Variants in PHKB observed in about 807,000 individuals in gnomAD.
PHKB encodes the protein phosphorylase b kinase regulatory subunit beta.
Under a neutral mutation model 152.1 loss-of-function variants are expected in PHKB, and 122 were observed. The ratio of observed to expected loss-of-function variants is 0.80; its 90% CI spans 0.69 to 0.93. The LOEUF (loss-of-function observed/expected upper bound fraction) is 0.93. PHKB is among the 40% of genes least tolerant of loss of function. PHKB has a pLI of 0.00. For synonymous variants in PHKB, 436 were observed against 464.9 expected (o/e 0.94, Z 0.80); for missense variants, 1,304 against 1,328.4 (o/e 0.98, Z 0.29).
intron 8 of PHKB, among the ~76,000 whole-genome samples, chr16:47,585,812 C>T (rs1015813515): frequency 6.6e-6 from 1 of 152,132 alleles, no homozygotes; most frequent in Non-Finnish European, 1.5e-5. Context: ...TGGCTGTTTA[C>T]ATTAATCAAG....
chr16:47,588,981 C>A lies in PHKB; in HGVS notation c.947C>A (p.Thr316Lys), dbSNP rs1430757166. The A allele has an allele frequency of 6.2e-7, 1 of 1,613,800 alleles. No individual in the cohort carries two copies. ...ALDDEVLFSQ[T>K]LDKVVRKLKG... is the part of the protein sequence containing the mutation. ...GATGATGAAGTTCTTTTTAGCCAGA[C>A]ACTTGATAAAGTGGTTAGAAAATTA... Residue 316 changes from threonine (T) to lysine (K), a missense_variant, in exon 10 of 31, where the codon ACA becomes AAA. Physicochemically the swap from Thr to Lys is moderately conservative, Grantham distance 78. Transcript: ENST00000323584.
At chr16:47,632,083 C>G (rs1181017098) in intron 14 of PHKB, among the ~76,000 whole-genome samples, 1 of 152,162 alleles carries the variant, frequency 6.6e-6, no homozygotes, top group Non-Finnish European at 1.5e-5. Flanking sequence ...GTGTCACCCT[C>G]CTAGAAAAGA....
Position 47,546,697 on chromosome 16 carries a change from A to T in PHKB, c.595-736A>T, listed in dbSNP as rs116836671. On this transcript the variant is annotated intron_variant, in intron 6 of 30. Transcript: ENST00000323584. Reference sequence around the variant, plus strand: ...AGTTTCAGCTGCCTTTTTTTCACCTATGCCATGCCCCCACAAGTGGAGTCT... The same window carrying T: ...AGTTTCAGCTGCCTTTTTTTCACCTTTGCCATGCCCCCACAAGTGGAGTCT... Among the ~76,000 whole-genome samples the T allele has an allele frequency of 3.1e-3, 467 of 152,132 alleles. 2 individuals are homozygous for T. The highest frequency in any genetic ancestry group is 0.011 in the African/African-American group (445 of 41,516).
intron 6 of PHKB, among the ~76,000 whole-genome samples, chr16:47,531,354 T>C (rs1389862678): frequency 1.3e-5 from 2 of 152,214 alleles, no homozygotes; most frequent in Admixed American, 6.5e-5. Flanking sequence ...TTCAAACTTT[T>C]TGATCTCAAG....
chr16:47,461,439 G>A lies in PHKB; in HGVS notation c.76+13G>A. The A allele has an allele frequency of 6.2e-7, 1 of 1,612,536 alleles. No individual in the cohort carries two copies. Among genetic ancestry groups the A allele is most frequent in the Non-Finnish European group, 8.5e-7 (1 of 1,179,488 alleles). On this transcript the variant is annotated intron_variant, in intron 1 of 30. Coordinates refer to ENST00000323584, the MANE Select transcript of PHKB (RefSeq NM_000293.3). ...ACCAAGCGCTCAGGTTTGGCTGGCTGGGGCGCCGCCCCCCACCCGAGTACC... is the reference window on the plus strand; with the variant it reads ...ACCAAGCGCTCAGGTTTGGCTGGCTAGGGCGCCGCCCCCCACCCGAGTACC...
chr16:47,610,996 C>A, intron 14 of PHKB, 76 bp downstream of exon 14: 1 of 889,754 alleles, frequency 1.1e-6, no homozygotes, highest in Non-Finnish European at 1.9e-6. Context: ...AATTTTTGTT[C>A]TGAATAGGTT....
intron 14 of PHKB, among the ~76,000 whole-genome samples, chr16:47,626,315 T>TGGTGCTAA (rs1346077830): frequency 1.3e-5 from 2 of 152,180 alleles, no homozygotes; most frequent in African/African-American, 4.8e-5. Flanking sequence ...GGTGCCTCTG[T>TGGTGCTAA]AGTTGTTGGG....
Position 47,700,682 on chromosome 16 carries a change from C to A in PHKB, c.*1316C>A, listed in dbSNP as rs923871454. On this transcript the variant is annotated 3_prime_UTR_variant, in exon 31 of 31. Transcript: ENST00000323584. ...TTCCTAAATAGAAAAAAAAAAGGCC[C>A]ATGAGTTTGAGCCCTTGCCCCAAAG... The A allele has an allele frequency of 1.3e-5, 2 of 151,682 alleles. No individual in the cohort carries two copies. The highest frequency in any genetic ancestry group is 4.8e-5 in the African/African-American group (2 of 41,276). The allele number at this position is 151,682 out of a possible 1,614,324, so 9.4% of individuals were successfully genotyped here.
Position 47,507,242 on chromosome 16 carries a change from A to T in PHKB, c.405+4152A>T, listed in dbSNP as rs1360241507. Among the ~76,000 whole-genome samples the T allele has an allele frequency of 6.3e-5, 9 of 143,960 alleles. No homozygotes were observed. The East Asian group carries it at 1.3e-3, about 21-fold the overall frequency. 94.4% of individuals were successfully genotyped at this position (143,960 alleles called of 152,430 possible). A position where few individuals can be genotyped will look rare whatever the true frequency, so the allele number is the denominator to read the frequency against. ...CTTCCACCTAAGCCTCCCAAAGTGC[A>T]AGGGTTACAGGCGTGAGCCACCATG... is the stretch of plus-strand genomic sequence containing the variant. On this transcript the variant is annotated intron_variant, in intron 4 of 30. Coordinates refer to ENST00000323584, the MANE Select transcript of PHKB (RefSeq NM_000293.3).
intron 14 of PHKB, among the ~76,000 whole-genome samples, chr16:47,633,339 C>G (rs1972859555): frequency 1.3e-5 from 2 of 152,088 alleles, no homozygotes; most frequent in South Asian, 4.1e-4. Context: ...CTCCTCCAAA[C>G]CGTCAAATGA....
chr16:47,483,489 A>G (rs1270502952), intron 1 of PHKB, among the ~76,000 whole-genome samples: 1 of 152,240 alleles, frequency 6.6e-6, no homozygotes, highest in African/African-American at 2.4e-5. Flanking sequence ...TAAGTATGAA[A>G]TAATGACCCT....
At chr16:47,650,512 G>A (rs759053464) in intron 18 of PHKB, 32 bp from the exon 19 acceptor site, 1 of 1,239,176 alleles carries the variant, frequency 8.1e-7, no homozygotes, top group East Asian at 2.3e-5. Context: ...TAGATACTGT[G>A]CCATTACATC....
intron 27 of PHKB, among the ~76,000 whole-genome samples, chr16:47,693,068 G>A (rs1269192234): frequency 3.3e-5 from 5 of 152,112 alleles, no homozygotes; most frequent in Non-Finnish European, 4.4e-5. Flanking sequence ...CAGCTGCTGC[G>A]TTTTTAAAGG....
At chr16:47,521,909 C>T (rs1016126139) in intron 6 of PHKB, among the ~76,000 whole-genome samples, 1 of 152,032 alleles carries the variant, frequency 6.6e-6, no homozygotes, top group African/African-American at 2.4e-5. Context: ...TGGGATAAAT[C>T]TTACTTGGTC....
intron 1 of PHKB, among the ~76,000 whole-genome samples, chr16:47,470,117 A>G (rs974674054): frequency 2.0e-5 from 3 of 152,232 alleles, no homozygotes; most frequent in African/African-American, 7.2e-5. Flanking sequence ...CGCTAGAGGA[A>G]TTAAAGACAC....
At chr16:47,609,421 G>A (rs1892622824) in intron 13 of PHKB, among the ~76,000 whole-genome samples, 1 of 128,146 alleles carries the variant, frequency 7.8e-6, no homozygotes, top group South Asian at 2.5e-4. Flanking sequence ...GTTGGGAGGT[G>A]TTCCCTCTTT....
chr16:47,544,660 G>A (rs1406668696), intron 6 of PHKB, among the ~76,000 whole-genome samples: 2 of 152,136 alleles, frequency 1.3e-5, no homozygotes, highest in African/African-American at 4.8e-5. Flanking sequence ...CTTCTGTCTT[G>A]TTGATCTGTC....
intron 29 of PHKB, 70 bp from the exon 30 acceptor site, chr16:47,698,378 C>A: frequency 8.8e-7 from 1 of 1,137,190 alleles, no homozygotes; most frequent in Non-Finnish European, 1.3e-6. Context: ...ACCCATCCAT[C>A]TGATCAAAGG....
chr16:47,550,047 T>A (rs1172129171), intron 7 of PHKB, among the ~76,000 whole-genome samples: 1 of 152,236 alleles, frequency 6.6e-6, no homozygotes, highest in Non-Finnish European at 1.5e-5. Context: ...GTCCATGGTA[T>A]AACACTTTAA....
Sources: allele counts gnomAD v4.1 joint callset (sites outside exome capture counted in the v4.1 genomes callset), GRCh38; gene constraint gnomAD v4.1.1; transcripts MANE v1.5; gene names NCBI Gene and HGNC (gene_info 2026-07-23, HGNC 2026-07-21).